SERP1: variants seen among roughly 807,000 people sequenced by gnomAD.
SERP1 encodes the protein stress-associated endoplasmic reticulum protein 1.
In SERP1, 6 loss-of-function variants were observed where a neutral mutation model predicts 8.8. The ratio of observed to expected loss-of-function variants is 0.68; its 90% CI spans 0.37 to 1.35. The LOEUF is 1.35. Ranked by LOEUF, SERP1 falls within the 40% of genes most tolerant of loss-of-function variation. The probability of loss-of-function intolerance (pLI) is 0.02; values close to 1 mark genes in which losing one functional copy is unlikely to be tolerated. For missense variants in SERP1, 52 were observed against 86.2 expected (o/e 0.60, Z 1.57); for synonymous variants, 36 against 28.7 (o/e 1.25, Z -0.81).
At chr3:150,545,506 G>A in intron 2 of SERP1, 197 bp downstream of exon 2, 1 of 578,462 alleles carries the variant, frequency 1.7e-6, no homozygotes, top group Non-Finnish European at 3.1e-6. Context: ...AAATTAAGCT[G>A]GGAGAAGTTT....
Position 150,546,303 on chromosome 3 carries a change from G to A in SERP1, c.-168C>T, listed in dbSNP as rs1377503602. The A allele has an allele frequency of 5.6e-6, 4 of 715,106 alleles. No homozygotes were observed. The highest frequency in any genetic ancestry group is 8.9e-6 in the Non-Finnish European group (4 of 448,540). 44.3% of individuals were successfully genotyped at this position (715,106 alleles called of 1,614,324 possible). Reference sequence around the variant, plus strand: ...CTGGGCCTGGGCGCCGCAAGCGCGAGGTCTGAGCACAAGCCGGGCGCCGGC... The same window carrying A: ...CTGGGCCTGGGCGCCGCAAGCGCGAAGTCTGAGCACAAGCCGGGCGCCGGC... On this transcript the variant is annotated 5_prime_UTR_variant, in exon 1 of 3. Transcript: ENST00000239944.
In SERP1 at chr3:150,544,314, T is replaced by C; in HGVS notation, c.*144A>G. Reference sequence around the variant, plus strand: ...ACTTGGAATGACTCATGAAGAAACCTTGGAATGACACATGAAGCATGATAG... The same window carrying C: ...ACTTGGAATGACTCATGAAGAAACCCTGGAATGACACATGAAGCATGATAG... On this transcript the variant is annotated 3_prime_UTR_variant, in exon 3 of 3. Transcript: ENST00000239944. 1 of 759,276 alleles carries C rather than the reference T, an allele frequency of 1.3e-6. No individual in the cohort carries two copies. The highest frequency in any genetic ancestry group is 1.7e-5 in the South Asian group (1 of 59,524). 47.0% of individuals were successfully genotyped at this position (759,276 alleles called of 1,614,324 possible).
rs1438904836 is a variant in SERP1 at position 150,543,460 on chromosome 3, A to T, written c.*998T>A. 1 of 152,650 alleles carries T rather than the reference A, an allele frequency of 6.6e-6. No homozygotes were observed. Among genetic ancestry groups the T allele is most frequent in the African/African-American group, 2.4e-5 (1 of 41,458 alleles). The allele number at this position is 152,650 out of a possible 1,614,324, so 9.5% of individuals were successfully genotyped here. ...TACCCTAATGATTGAAAAATCATTAATCTAGAAAAAGCATTTGCAAACTAA... is the reference window on the plus strand; with the variant it reads ...TACCCTAATGATTGAAAAATCATTATTCTAGAAAAAGCATTTGCAAACTAA... On this transcript the variant is annotated 3_prime_UTR_variant, in exon 3 of 3. Coordinates refer to ENST00000239944, the MANE Select transcript of SERP1 (RefSeq NM_014445.4).
chr3:150,544,614 G>C, intron 2 of SERP1, 116 bp from the exon 3 acceptor site: 1 of 725,730 alleles, frequency 1.4e-6, no homozygotes, highest in South Asian at 1.8e-5. Context: ...TTTGCAAATG[G>C]TACATAACTT....
chr3:150,545,630 T>G, intron 2 of SERP1, 73 bp downstream of exon 2: 1 of 1,436,928 alleles, frequency 7.0e-7, no homozygotes, highest in Non-Finnish European at 9.6e-7. Context: ...GACTCACTAC[T>G]GACCGGTCAC....
intron 2 of SERP1, 111 bp downstream of exon 2, chr3:150,545,592 G>T: frequency 2.0e-6 from 2 of 983,728 alleles, no homozygotes; most frequent in Non-Finnish European, 3.2e-6. Context: ...GGAGTCCTCG[G>T]CAGGTGGGTT....
chr3:150,544,041 G>A lies in SERP1; in HGVS notation c.*417C>T, dbSNP rs1301419426. ...GTTCAAAAGAGTAATAAAGTGCCTA[G>A]CTATATAAAAACCACAAGACTTCAA... On this transcript the variant is annotated 3_prime_UTR_variant, in exon 3 of 3. Coordinates refer to ENST00000239944, the MANE Select transcript of SERP1 (RefSeq NM_014445.4). The A allele has an allele frequency of 6.2e-6, 1 of 161,398 alleles. No individual in the cohort carries two copies. The highest frequency in any genetic ancestry group is 1.4e-5 in the Non-Finnish European group (1 of 73,942). The allele number at this position is 161,398 out of a possible 1,614,324, so 10.0% of individuals were successfully genotyped here. A position where few individuals can be genotyped will look rare whatever the true frequency, so the allele number is the denominator to read the frequency against.
rs146853225 is a variant in SERP1, at chr3:150,542,231, C to A, written c.*2227G>T. 6.9e-4 allele frequency: 105 copies of A among 152,312 alleles called. No homozygotes were observed. The highest frequency in any genetic ancestry group is 1.0e-4 in the Non-Finnish European group (7 of 68,016). The allele number at this position is 152,312 out of a possible 1,614,324, so 9.4% of individuals were successfully genotyped here. ...CATACTGTGCTCAACATTAGATGAT[C>A]TATAAAATTCAACTGGCAAAGGGAG... is the stretch of plus-strand genomic sequence containing the variant. On this transcript the variant is annotated 3_prime_UTR_variant, in exon 3 of 3. Transcript: ENST00000239944.
chr3:150,542,683 A>C lies in SERP1; in HGVS notation c.*1775T>G, dbSNP rs1013810875. 2.0e-5 allele frequency: 3 copies of C among 152,616 alleles called. No individual in the cohort carries two copies. Among genetic ancestry groups the C allele is most frequent in the African/African-American group, 7.2e-5 (3 of 41,468 alleles). The allele number at this position is 152,616 out of a possible 1,614,324, so 9.5% of individuals were successfully genotyped here. A position where few individuals can be genotyped will look rare whatever the true frequency, so the allele number is the denominator to read the frequency against. Reference sequence around the variant, plus strand: ...TGTAAAATGATTGCTAGCTATAGCAATTTAACAGTCAAATTTATCAGAACA... The same window carrying C: ...TGTAAAATGATTGCTAGCTATAGCACTTTAACAGTCAAATTTATCAGAACA... On this transcript the variant is annotated 3_prime_UTR_variant, in exon 3 of 3. Transcript: ENST00000239944.
At position 150,546,494 on chromosome 3, in the gene SERP1, T is replaced by G; in HGVS notation, c.-359A>C. 1.8e-6 allele frequency: 1 copy of G among 571,248 alleles called. No individual in the cohort carries two copies. Among genetic ancestry groups the G allele is most frequent in the Non-Finnish European group, 3.1e-6 (1 of 321,524 alleles). The allele number at this position is 571,248 out of a possible 1,614,324, so 35.4% of individuals were successfully genotyped here. ...GGGAATGTGCAGCCCGCCGCCTCGATCTACTTTGGGTTCGGCTGCCAACGT... is the reference window on the plus strand; with the variant it reads ...GGGAATGTGCAGCCCGCCGCCTCGAGCTACTTTGGGTTCGGCTGCCAACGT... On this transcript the variant is annotated 5_prime_UTR_variant, in exon 1 of 3. Transcript: ENST00000239944.
At position 150,544,145 on chromosome 3, in the gene SERP1, G is replaced by C. The variant is rs1722931390; in HGVS notation, c.*313C>G. 3.4e-6 allele frequency: 1 copy of C among 290,712 alleles called. No homozygotes were observed. The highest frequency in any genetic ancestry group is 6.4e-6 in the Non-Finnish European group (1 of 156,216). The allele number at this position is 290,712 out of a possible 1,614,324, so 18.0% of individuals were successfully genotyped here. On this transcript the variant is annotated 3_prime_UTR_variant, in exon 3 of 3. Transcript: ENST00000239944. ...CTGTCTATGCAGAGTTAGACTAATT[G>C]TTCATACTGTTTTAATAACCACATA...
At chr3:150,545,800 A>AT in intron 1 of SERP1, 22 bp from the exon 2 acceptor site, 1 of 1,593,126 alleles carries the variant, frequency 6.3e-7, no homozygotes, top group Non-Finnish European at 8.6e-7. Flanking sequence ...AAAATCCACC[A>AT]TTTCAGATGC....
At position 150,546,094 on chromosome 3, in the gene SERP1, G is replaced by A. The variant is rs139471764; in HGVS notation, c.42C>T (p.His14=). 48 of 1,613,714 alleles carry A rather than the reference G, an allele frequency of 3.0e-5. No homozygotes were observed. In the African/African-American group the frequency reaches 3.7e-4, roughly 13 times the overall value. The change falls in exon 1 of 3, where the codon CAC becomes CAT. Residue 14 remains histidine, a synonymous_variant. Transcript: ENST00000239944. ...TGCCGCGCTGGGTGATGTTCTTGCTGTGCTTCTCGTTGGCCATACGGATCC... is the reference window on the plus strand; with the variant it reads ...TGCCGCGCTGGGTGATGTTCTTGCTATGCTTCTCGTTGGCCATACGGATCC... ...KQRIRMANEK[H]SKNITQRGNV... is the part of the protein sequence containing the mutation.
At position 150,546,099 on chromosome 3, in the gene SERP1, T is replaced by C; in HGVS notation, c.37A>G (p.Lys13Glu). Reference protein sequence around the residue: ...AKQRIRMANEKHSKNITQRGN... With the variant: ...AKQRIRMANEEHSKNITQRGN... ...CGCTGGGTGATGTTCTTGCTGTGCT[T>C]CTCGTTGGCCATACGGATCCTTTGC... is the stretch of plus-strand genomic sequence containing the variant. The change falls in exon 1 of 3, where the codon AAG becomes GAG. Residue 13 changes from lysine (K) to glutamate (E), a missense_variant. By Grantham distance (56) the Lys-to-Glu change is moderately conservative. Transcript: ENST00000239944. 1 of 1,613,814 alleles carries C rather than the reference T, an allele frequency of 6.2e-7. No individual in the cohort carries two copies. The highest frequency in any genetic ancestry group is 8.5e-7 in the Non-Finnish European group (1 of 1,179,886).
At chr3:150,545,869 C>G in intron 1 of SERP1, 91 bp from the exon 2 acceptor site, 1 of 1,401,918 alleles carries the variant, frequency 7.1e-7, no homozygotes, top group South Asian at 1.3e-5. Flanking sequence ...GGCCCCCTCA[C>G]CTCACAGGTC....
At chr3:150,546,030 G>A (rs770496517) in intron 1 of SERP1, 22 bp downstream of exon 1, 6 of 1,612,806 alleles carry the variant, frequency 3.7e-6, no homozygotes, top group South Asian at 1.1e-5. Flanking sequence ...GGAACGCAGA[G>A]GGGCGCCCGC....
At chr3:150,544,553 G>A (rs377736024) in intron 2 of SERP1, 55 bp from the exon 3 acceptor site, 16 of 1,390,106 alleles carry the variant, frequency 1.2e-5, no homozygotes, top group South Asian at 5.9e-5. Context: ...TAGGTCTGGT[G>A]TCTAACAAAT....
chr3:150,545,906 G>A (rs1722988497), intron 1 of SERP1, 128 bp from the exon 2 acceptor site: 4 of 1,361,386 alleles, frequency 2.9e-6, no homozygotes, highest in Non-Finnish European at 4.0e-6. Context: ...AGCCCCCACA[G>A]TCTGGCGGTT....
At position 150,546,113 on chromosome 3, in the gene SERP1, C is replaced by A; in HGVS notation, c.23G>T (p.Arg8Leu). 6.2e-7 allele frequency: 1 copy of A among 1,613,682 alleles called. No homozygotes were observed. Residue 8 changes from arginine to leucine, a missense_variant, in exon 1 of 3, where the codon CGT becomes CTT. Transcript: ENST00000239944. MVAKQRI[R>L]MANEKHSKNI... is the part of the protein sequence containing the mutation. ...CTTGCTGTGCTTCTCGTTGGCCATACGGATCCTTTGCTTGGCGACCATCTT... is the reference window on the plus strand; with the variant it reads ...CTTGCTGTGCTTCTCGTTGGCCATAAGGATCCTTTGCTTGGCGACCATCTT...
Sources: gnomAD v4.1 joint callset for allele counts on GRCh38, gnomAD v4.1.1 for gene constraint, MANE v1.5 for transcripts, NCBI Gene and HGNC (gene_info 2026-07-23, HGNC 2026-07-21) for gene names.